The following CHST9 variants were observed in gnomAD, a reference collection of about 807,000 sequenced individuals.
The protein encoded by CHST9 is GalNAc-4-sulfotransferase 2.
CHST9 carries 41 observed loss-of-function variants against 44.4 expected under a neutral mutation model. The observed-to-expected ratio is 0.92, with a 90% confidence interval of 0.72 to 1.20. CHST9 has a LOEUF of 1.20. Among genes scored for constraint, CHST9 ranks in the 50% most tolerant of loss-of-function variants. CHST9 has a pLI of 0.00. For synonymous variants in CHST9, 171 were observed against 178.4 expected (o/e 0.96, Z 0.33); for missense variants, 504 against 516.5 (o/e 0.98, Z 0.23).
At chr18:27,017,850 T>A (rs770846188) in intron 4 of CHST9, among the ~76,000 whole-genome samples, 30 of 151,982 alleles carry the variant, frequency 2.0e-4, no homozygotes, top group Non-Finnish European at 3.2e-4. Context: ...TACTGAACAC[T>A]GTTTGGAATA....
intron 4 of CHST9, among the ~76,000 whole-genome samples, chr18:26,946,896 T>G (rs146318049): frequency 0.015 from 2,278 of 148,636 alleles, 63 homozygotes; most frequent in African/African-American, 0.053. Flanking sequence ...TTGGTACCAG[T>G]ACCATCCTGT....
intron 2 of CHST9, among the ~76,000 whole-genome samples, chr18:27,074,642 G>A (rs188844982): frequency 5.1e-4 from 77 of 152,106 alleles, no homozygotes; most frequent in Non-Finnish European, 9.4e-4. Flanking sequence ...CCTGTCTAGG[G>A]TTGCGGGGGT....
At chr18:27,162,517 C>G (rs1349480958) in intron 1 of CHST9, among the ~76,000 whole-genome samples, 1 of 152,122 alleles carries the variant, frequency 6.6e-6, no homozygotes, top group African/African-American at 2.4e-5. Flanking sequence ...GGTAACCCAA[C>G]CTTTCTCTCT....
At chr18:27,048,092 CG>C (rs2057525910) in intron 3 of CHST9, among the ~76,000 whole-genome samples, 1 of 152,004 alleles carries the variant, frequency 6.6e-6, no homozygotes, top group Non-Finnish European at 1.5e-5. Flanking sequence ...ACTACATATA[CG>C]GTTTTAAGAA....
chr18:27,139,502 T>C (rs899564720), intron 2 of CHST9, among the ~76,000 whole-genome samples: 4 of 149,048 alleles, frequency 2.7e-5, no homozygotes, highest in Non-Finnish European at 4.5e-5. Context: ...CACACACACA[T>C]ATATATATAT....
chr18:26,930,378 G>A (rs1479062404), intron 5 of CHST9, among the ~76,000 whole-genome samples: 1 of 152,204 alleles, frequency 6.6e-6, no homozygotes, highest in Non-Finnish European at 1.5e-5. Context: ...AGGGAAGACA[G>A]GAGTCAAGTG....
intron 2 of CHST9, among the ~76,000 whole-genome samples, chr18:27,113,777 T>C (rs2058295974): frequency 6.6e-6 from 1 of 152,180 alleles, no homozygotes; most frequent in Admixed American, 6.5e-5. Flanking sequence ...GTTTACGGTA[T>C]TTTGTTGTAG....
intron 4 of CHST9, among the ~76,000 whole-genome samples, chr18:27,010,069 A>C (rs1408359846): frequency 6.6e-6 from 1 of 152,210 alleles, no homozygotes; most frequent in Non-Finnish European, 1.5e-5. Flanking sequence ...AATATTTCTA[A>C]TTCTACTAGG....
chr18:27,147,160 G>A (rs1260643750), intron 1 of CHST9, among the ~76,000 whole-genome samples: 1 of 152,044 alleles, frequency 6.6e-6, no homozygotes, highest in African/African-American at 2.4e-5. Flanking sequence ...CACCTCCTGG[G>A]TTCAAGGGAT....
intron 1 of CHST9, among the ~76,000 whole-genome samples, chr18:27,179,834 T>G (rs2058898061): frequency 6.6e-6 from 1 of 152,122 alleles, no homozygotes; most frequent in African/African-American, 2.4e-5. Context: ...AAATTAAACT[T>G]AAGACCAACT....
intron 2 of CHST9, among the ~76,000 whole-genome samples, chr18:27,098,954 T>C (rs2058144502): frequency 6.6e-6 from 1 of 151,968 alleles, no homozygotes; most frequent in African/African-American, 2.4e-5. Context: ...AACTATACTA[T>C]AAGGTTATAG....
intron 2 of CHST9, among the ~76,000 whole-genome samples, chr18:27,108,350 A>T (rs550243027): frequency 1.3e-5 from 2 of 152,348 alleles, no homozygotes; most frequent in South Asian, 4.1e-4. Context: ...ATATAAAATG[A>T]TGTCAACACG....
In CHST9 at chr18:26,908,942, C is replaced by T. The variant is rs1452411482; in HGVS notation, c.*7317G>A. 6.6e-6 allele frequency: 1 copy of T among 152,142 alleles called. No individual in the cohort carries two copies. Among genetic ancestry groups the T allele is most frequent in the Non-Finnish European group, 1.5e-5 (1 of 68,024 alleles). 9.4% of individuals were successfully genotyped at this position (152,142 alleles called of 1,614,324 possible). A position where few individuals can be genotyped will look rare whatever the true frequency, so the allele number is the denominator to read the frequency against. On this transcript the variant is annotated 3_prime_UTR_variant, in exon 6 of 6. Transcript: ENST00000618847. ...AGCTTTTTAGTTTTTATTGGAGAAA[C>T]TCATATTGTCTTCACTTGTTCAATG...
At chr18:26,947,222 A>C (rs1387688085) in intron 4 of CHST9, among the ~76,000 whole-genome samples, 1 of 152,150 alleles carries the variant, frequency 6.6e-6, no homozygotes, top group Non-Finnish European at 1.5e-5. Flanking sequence ...TTCTCCTTGA[A>C]AAGGTCCTTC....
intron 4 of CHST9, among the ~76,000 whole-genome samples, chr18:26,945,569 C>A (rs1420360192): frequency 6.6e-6 from 1 of 152,170 alleles, no homozygotes; most frequent in African/African-American, 2.4e-5. Context: ...TCTGGAGATT[C>A]TTCCAGGTTG....
At chr18:27,010,469 AC>A (rs1188880437) in intron 4 of CHST9, among the ~76,000 whole-genome samples, 1 of 152,160 alleles carries the variant, frequency 6.6e-6, no homozygotes, top group East Asian at 1.9e-4. Context: ...CTGATGTTCC[AC>A]CAGGACAGAG....
intron 2 of CHST9, among the ~76,000 whole-genome samples, chr18:27,106,489 T>TA (rs1169847227): frequency 1.1e-4 from 17 of 152,214 alleles, no homozygotes; most frequent in African/African-American, 3.9e-4. Context: ...AACAGCTTCT[T>TA]ATTCTCTCAG....
intron 4 of CHST9, among the ~76,000 whole-genome samples, chr18:27,020,860 A>G (rs2057217858): frequency 6.6e-6 from 1 of 152,154 alleles, no homozygotes; most frequent in African/African-American, 2.4e-5. Context: ...AAGGCTCATT[A>G]AACATTTTAA....
chr18:27,051,026 G>A (rs976095157), intron 2 of CHST9, among the ~76,000 whole-genome samples: 1 of 152,102 alleles, frequency 6.6e-6, no homozygotes, highest in African/African-American at 2.4e-5. Context: ...TGATATTCAC[G>A]TCCTGTGTAA....
Sources: gnomAD v4.1 joint callset for allele counts (sites outside exome capture counted in the v4.1 genomes callset) on GRCh38, gnomAD v4.1.1 for gene constraint, MANE v1.5 for transcripts, NCBI Gene and HGNC (gene_info 2026-07-23, HGNC 2026-07-21) for gene names.